MARVELD2: variants seen among roughly 807,000 people sequenced by gnomAD.
MARVELD2 encodes the protein MARVEL domain containing 2.
A neutral mutation model predicts 57.6 loss-of-function variants in MARVELD2; 49 were observed. The ratio of observed to expected loss-of-function variants is 0.85; its 90% CI spans 0.68 to 1.08. The LOEUF (loss-of-function observed/expected upper bound fraction) is 1.08, where lower values mean the gene tolerates loss of function less well. Ranked by LOEUF, MARVELD2 falls within the 50% of genes least tolerant of loss-of-function variation. MARVELD2 has a pLI of 0.00. For missense variants in MARVELD2, 606 were observed against 701.1 expected (o/e 0.86, Z 1.53); for synonymous variants, 238 against 258.8 (o/e 0.92, Z 0.77).
intron 1 of MARVELD2, among the ~76,000 whole-genome samples, chr5:69,416,827 T>C (rs1422517633): frequency 6.6e-6 from 1 of 152,234 alleles, no homozygotes; most frequent in Non-Finnish European, 1.5e-5. Flanking sequence ...CTAGCCAGTC[T>C]TCCTGTTTTA....
chr5:69,444,155 C>G lies in MARVELD2; in HGVS notation c.*2501C>G, dbSNP rs556951636. 1 of 151,972 alleles carries G rather than the reference C, an allele frequency of 6.6e-6. No individual in the cohort carries two copies. Among genetic ancestry groups the G allele is most frequent in the African/African-American group, 2.4e-5 (1 of 41,436 alleles). The allele number at this position is 151,972 out of a possible 1,614,324, so 9.4% of individuals were successfully genotyped here. A position where few individuals can be genotyped will look rare whatever the true frequency, so the allele number is the denominator to read the frequency against. ...AATCTTTGAAAAACCAATGCAGTAA[C>G]ACTGATTTGTAAATGTTGTGGTCAA... is the stretch of plus-strand genomic sequence containing the variant. On this transcript the variant is annotated 3_prime_UTR_variant, in exon 7 of 7. Coordinates refer to ENST00000325631, the MANE Select transcript of MARVELD2 (RefSeq NM_001038603.3).
At chr5:69,416,812 A>G (rs766174433) in intron 1 of MARVELD2, among the ~76,000 whole-genome samples, 11 of 152,178 alleles carry the variant, frequency 7.2e-5, no homozygotes, top group Non-Finnish European at 1.2e-4. Context: ...GATTATTTCA[A>G]TGGCCTAGCC....
intron 2 of MARVELD2, 121 bp downstream of exon 2, chr5:69,420,652 T>TC: frequency 2.0e-6 from 2 of 1,003,192 alleles, no homozygotes; most frequent in Admixed American, 2.6e-5. Flanking sequence ...TTTTCTTTCT[T>TC]CCTTTTTTTT....
Position 69,441,553 on chromosome 5 carries a change from A to G in MARVELD2, c.1576A>G (p.Lys526Glu). 1 of 1,610,790 alleles carries G rather than the reference A, an allele frequency of 6.2e-7. No individual in the cohort carries two copies. The highest frequency in any genetic ancestry group is 8.5e-7 in the Non-Finnish European group (1 of 1,177,524). Reference sequence around the variant, plus strand: ...ACAGGATCCTACATTTCTGGAAAAAAAAGAACGCTGTGATTACCTAAAGAA... The same window carrying G: ...ACAGGATCCTACATTTCTGGAAAAAGAAGAACGCTGTGATTACCTAAAGAA... ...KKNDPTFLEK[K>E]ERCDYLKNKL... is the part of the protein sequence containing the mutation. Residue 526 changes from lysine to glutamate, a missense_variant, in exon 7 of 7, where the codon AAA becomes GAA. Coordinates refer to ENST00000325631, the MANE Select transcript of MARVELD2 (RefSeq NM_001038603.3).
At chr5:69,423,914 T>TAA (rs1421555484) in intron 2 of MARVELD2, among the ~76,000 whole-genome samples, 1 of 152,226 alleles carries the variant, frequency 6.6e-6, no homozygotes, top group Non-Finnish European at 1.5e-5. Flanking sequence ...TTTTGTTTCT[T>TAA]AAAGTTACAA....
intron 3 of MARVELD2, among the ~76,000 whole-genome samples, chr5:69,431,108 T>G (rs1322711621): frequency 2.7e-5 from 4 of 150,214 alleles, no homozygotes; most frequent in Non-Finnish European, 5.9e-5. Flanking sequence ...ACCTCACTTC[T>G]TTTCTTTTCT....
intron 3 of MARVELD2, among the ~76,000 whole-genome samples, chr5:69,428,737 A>G (rs1361984800): frequency 6.6e-6 from 1 of 152,208 alleles, no homozygotes; most frequent in East Asian, 1.9e-4. Flanking sequence ...TCTGAGATTG[A>G]TGCTGGGACT....
At chr5:69,421,486 A>T (rs982160725) in intron 2 of MARVELD2, among the ~76,000 whole-genome samples, 3 of 152,148 alleles carry the variant, frequency 2.0e-5, no homozygotes, top group Non-Finnish European at 2.9e-5. Context: ...ACAATTGCAC[A>T]TGGTATATAT....
intron 5 of MARVELD2, among the ~76,000 whole-genome samples, chr5:69,433,448 G>C (rs941175601): frequency 9.8e-5 from 13 of 132,126 alleles, no homozygotes; most frequent in African/African-American, 3.3e-4. Context: ...CACCGCATTT[G>C]GCATAAAATC....
chr5:69,440,466 C>T lies in MARVELD2; in HGVS notation c.1520C>T (p.Ser507Leu). The change falls in exon 6 of 7, where the codon TCA (serine) becomes TTA (leucine). Residue 507 changes from serine (S) to leucine (L), a missense_variant. Transcript: ENST00000325631. ...SESRQEHERI[S>L]RIHEEFKKKK... ...TATTTTTAGGAACATGAGAGAATTTCAAGAATCCATGAAGAGTTTAAGAAA... is the reference window on the plus strand; with the variant it reads ...TATTTTTAGGAACATGAGAGAATTTTAAGAATCCATGAAGAGTTTAAGAAA... 7.0e-7 allele frequency: 1 copy of T among 1,435,424 alleles called. No individual in the cohort carries two copies. Among genetic ancestry groups the T allele is most frequent in the Non-Finnish European group, 9.8e-7 (1 of 1,022,254 alleles). The allele number at this position is 1,435,424 out of a possible 1,614,324, so 88.9% of individuals were successfully genotyped here.
chr5:69,419,491 G>A lies in MARVELD2; in HGVS notation c.106G>A (p.Asp36Asn), dbSNP rs540714945. ...CATAAGAACCCACCCAACTCTTCAT[G>A]ACAGTGAGCGGGCAGTGAGCGCTGA... ...TTIRTHPTLH[D>N]SERAVSADPL... Residue 36 changes from aspartate to asparagine, a missense_variant, in exon 2 of 7, where the codon GAC (aspartate) becomes AAC (asparagine). Coordinates refer to ENST00000325631, the MANE Select transcript of MARVELD2 (RefSeq NM_001038603.3). 1 of 1,614,152 alleles carries A rather than the reference G, an allele frequency of 6.2e-7. No homozygotes were observed. The highest frequency in any genetic ancestry group is 1.3e-5 in the African/African-American group (1 of 75,042).
intron 1 of MARVELD2, among the ~76,000 whole-genome samples, chr5:69,416,776 C>G (rs1766443614): frequency 6.6e-6 from 1 of 152,178 alleles, no homozygotes; most frequent in Non-Finnish European, 1.5e-5. Context: ...CATTTGACCT[C>G]TTCTCAAGAT....
At chr5:69,422,986 T>C (rs1766676810) in intron 2 of MARVELD2, among the ~76,000 whole-genome samples, 1 of 152,184 alleles carries the variant, frequency 6.6e-6, no homozygotes, top group Non-Finnish European at 1.5e-5. Flanking sequence ...TAACCTCCGC[T>C]TCCCAGGTTC....
At position 69,442,277 on chromosome 5, in the gene MARVELD2, T is replaced by C. The variant is rs1767350114; in HGVS notation, c.*623T>C. ...TCCTAGGATTTTTCTGGGACAAATT[T>C]CTCTTCCTAGAGAAATTCCTAGGGG... On this transcript the variant is annotated 3_prime_UTR_variant, in exon 7 of 7. Transcript: ENST00000325631. 6.6e-6 allele frequency: 1 copy of C among 152,178 alleles called. No homozygotes were observed. The highest frequency in any genetic ancestry group is 2.1e-4 in the South Asian group (1 of 4,830). The allele number at this position is 152,178 out of a possible 1,614,324, so 9.4% of individuals were successfully genotyped here.
At position 69,432,671 on chromosome 5, in the gene MARVELD2, G is replaced by A. The variant is rs886043304; in HGVS notation, c.1327G>A (p.Val443Met). The change falls in exon 4 of 7, where the codon GTG becomes ATG. Residue 443 changes from valine (V) to methionine (M), a missense_variant. Val to Met is a conservative substitution (Grantham distance 21). Transcript: ENST00000325631. ...IPKPIVMPDY[V>M]AKYPVIQTDD... is the part of the protein sequence containing the mutation. ...TAAACCTATCGTGATGCCCGACTAT[G>A]TGGCGTGAGTGTCAGTCTGAATTCT... 4 of 1,613,980 alleles carry A rather than the reference G, an allele frequency of 2.5e-6. No individual in the cohort carries two copies. The African/African-American group carries it at 5.3e-5, about 22-fold the overall frequency.
intron 1 of MARVELD2, among the ~76,000 whole-genome samples, chr5:69,418,728 A>G (rs1766503543): frequency 6.6e-6 from 1 of 152,158 alleles, no homozygotes; most frequent in South Asian, 2.1e-4. Flanking sequence ...TCCAAGTGAA[A>G]ATGAAGAATA....
chr5:69,438,766 A>G (rs1767234903), intron 5 of MARVELD2, among the ~76,000 whole-genome samples: 1 of 151,838 alleles, frequency 6.6e-6, no homozygotes, highest in Admixed American at 6.6e-5. Flanking sequence ...GGTGCCTGTA[A>G]TCCCAGCTAC....
chr5:69,428,168 A>G (rs573496849), intron 3 of MARVELD2, among the ~76,000 whole-genome samples: 1 of 131,792 alleles, frequency 7.6e-6, no homozygotes, highest in African/African-American at 2.8e-5. Context: ...GGGAAGGTTC[A>G]TCCAAAAAGA....
At position 69,415,138 on chromosome 5, in the gene MARVELD2, G is replaced by A. The variant is rs1580463270; in HGVS notation, c.-48G>A. ...CCCGATACCGGTTTCAGAGTCCTGGGCAGCGTGCGCGCTCTTCCTGGCGGC... is the reference window on the plus strand; with the variant it reads ...CCCGATACCGGTTTCAGAGTCCTGGACAGCGTGCGCGCTCTTCCTGGCGGC... On this transcript the variant is annotated 5_prime_UTR_variant, in exon 1 of 7. Coordinates refer to ENST00000325631, the MANE Select transcript of MARVELD2 (RefSeq NM_001038603.3). 6.6e-6 allele frequency: 1 copy of A among 152,460 alleles called. No individual in the cohort carries two copies. The highest frequency in any genetic ancestry group is 3.4e-3 in the Middle Eastern group (1 of 292). The allele number at this position is 152,460 out of a possible 1,614,324, so 9.4% of individuals were successfully genotyped here. A position where few individuals can be genotyped will look rare whatever the true frequency, so the allele number is the denominator to read the frequency against.
Sources: allele counts gnomAD v4.1 joint callset (sites outside exome capture counted in the v4.1 genomes callset), GRCh38; gene constraint gnomAD v4.1.1; transcripts MANE v1.5; gene names NCBI Gene and HGNC (gene_info 2026-07-23, HGNC 2026-07-21).